Variants in EHMT2 observed in about 807,000 individuals in gnomAD.
EHMT2 encodes the protein euchromatic histone lysine methyltransferase 2.
A neutral mutation model predicts 143.3 loss-of-function variants in EHMT2; 59 were observed. That is an observed-to-expected ratio of 0.41 (90% confidence interval 0.33 to 0.51). EHMT2 has a LOEUF of 0.51. Among genes scored for constraint, EHMT2 ranks in the 20% least tolerant of loss-of-function variants. The pLI is 0.18. For synonymous variants in EHMT2, 604 were observed against 651.5 expected (o/e 0.93, Z 1.11); for missense variants, 1,174 against 1,645.9 (o/e 0.71, Z 4.96).
At position 31,888,138 on chromosome 6, in the gene EHMT2, G is replaced by T; in HGVS notation, c.1648C>A (p.Arg550=). ...GCCGGTGGGGTCACCCCGTCACCCC[G>T]GGGGATGGTCACCTCTTGAGCTTCA... Residue 550 remains arginine, a synonymous_variant, in exon 13 of 28, where the codon CGG becomes AGG. Transcript: ENST00000375537. This position sits in a 1 kb window ranked among gnomAD's most constrained non-coding sequence, Gnocchi z 7.4. 1 of 1,612,440 alleles carries T rather than the reference G, an allele frequency of 6.2e-7. No homozygotes were observed. The highest frequency in any genetic ancestry group is 8.5e-7 in the Non-Finnish European group (1 of 1,179,792).
chr6:31,896,862 A>G (rs767449125), intron 2 of EHMT2, 38 bp from the exon 3 acceptor site: 9 of 1,612,328 alleles, frequency 5.6e-6, no homozygotes, highest in Non-Finnish European at 2.5e-6. Context: ...CTAAGGGCTC[A>G]GGAGATCCTG....
At position 31,888,120 on chromosome 6, in the gene EHMT2, G is replaced by A. The variant is rs780514785; in HGVS notation, c.1666C>T (p.Pro556Ser). ...GCAGGAGCTGCAGTGCCGGCCGGTG[G>A]GGTCACCCCGTCACCCCGGGGGATG... Residue 556 changes from proline to serine, a missense_variant, in exon 13 of 28, where the codon CCA (proline) becomes TCA (serine). Coordinates refer to ENST00000375537, the Ensembl canonical transcript of EHMT2. The surrounding 1 kb of genome is among the most constrained non-coding windows in gnomAD (Gnocchi z 7.4). The A allele has an allele frequency of 3.1e-6, 5 of 1,612,112 alleles. No homozygotes were observed. The African/African-American group carries it at 4.0e-5, about 13-fold the overall frequency.
chr6:31,882,564 G>T, intron 25 of EHMT2, 135 bp downstream of exon 25: 1 of 880,058 alleles, frequency 1.1e-6, no homozygotes, highest in Non-Finnish European at 1.8e-6. Context: ...ATAGGGGTCA[G>T]AGGAGGCTGG....
Position 31,889,322 on chromosome 6 carries a change from G to A in EHMT2, c.1020C>T (p.Arg340=), listed in dbSNP as rs1470048012. The A allele has an allele frequency of 6.2e-7, 1 of 1,612,032 alleles. No homozygotes were observed. The highest frequency in any genetic ancestry group is 2.2e-5 in the East Asian group (1 of 44,874). Residue 340 remains arginine, a synonymous_variant, in exon 9 of 28, where the codon CGC becomes CGT. Coordinates refer to ENST00000375537, the Ensembl canonical transcript of EHMT2. This position sits in a 1 kb window ranked among gnomAD's most constrained non-coding sequence, Gnocchi z 5.1. ...CTTTTCGCCATTTCTTCTTGGCCTT[G>A]CGCCGGCCACTGGAACCACTCTGGG...
At position 31,881,179 on chromosome 6, in the gene EHMT2, G is replaced by A; in HGVS notation, c.3198-87C>T. On this transcript the variant is annotated intron_variant, in intron 25 of 27. Transcript: ENST00000375537. The surrounding 1 kb of genome is among the most constrained non-coding windows in gnomAD (Gnocchi z 4.8). Reference sequence around the variant, plus strand: ...CCCCATCTCTCTTCACAAGCCTGTGGAATCTGGAATGGGCAGGGCTGGCAG... The same window carrying A: ...CCCCATCTCTCTTCACAAGCCTGTGAAATCTGGAATGGGCAGGGCTGGCAG... 8.4e-7 allele frequency: 1 copy of A among 1,185,314 alleles called. No homozygotes were observed. Among genetic ancestry groups the A allele is most frequent in the Non-Finnish European group, 1.3e-6 (1 of 796,248 alleles). The allele number at this position is 1,185,314 out of a possible 1,614,324, so 73.4% of individuals were successfully genotyped here.
At chr6:31,891,391 G>A (rs1258560286) in intron 7 of EHMT2, among the ~76,000 whole-genome samples, 1 of 152,232 alleles carries the variant, frequency 6.6e-6, no homozygotes, top group Non-Finnish European at 1.5e-5. Context: ...TGTGAAAACA[G>A]TAGTGTAATG....
rs1766531739 is a variant in EHMT2, at chr6:31,896,800, G to A, written c.134C>T (p.Pro45Leu). The A allele has an allele frequency of 6.2e-7, 1 of 1,613,030 alleles. No individual in the cohort carries two copies. The highest frequency in any genetic ancestry group is 1.3e-5 in the African/African-American group (1 of 75,062). The stretch of plus-strand genomic sequence containing the variant: ...CTTGGGCAGGGTTTCTTCACTACGA[G>A]GGGTGTCCCCCAAAGAGCCATGAAC... The change falls in exon 3 of 28, where the codon CCT (proline) becomes CTT (leucine). Residue 45 changes from proline to leucine, a missense_variant. Transcript: ENST00000375537.
intron 6 of EHMT2, 60 bp from the exon 7 acceptor site, chr6:31,892,622 G>A (rs1283421773): frequency 6.2e-7 from 1 of 1,612,644 alleles, no homozygotes; most frequent in Non-Finnish European, 8.5e-7. Flanking sequence ...ACTGAGGATG[G>A]GATGCAGCCC....
At chr6:31,882,749 G>A in exon 25 of EHMT2, 1 of 1,612,670 alleles carries the variant, frequency 6.2e-7, no homozygotes, top group Non-Finnish European at 8.5e-7. Flanking sequence ...GGACCCCCCA[G>A]CCCATCTTGG....
Position 31,882,446 on chromosome 6 carries a change from G to C in EHMT2, c.3197+253C>G, listed in dbSNP as rs891360924. On this transcript the variant is annotated intron_variant, in intron 25 of 27. Coordinates refer to ENST00000375537, the Ensembl canonical transcript of EHMT2. ...GGTGGAGGGGAAGGTAGAGGGTGGA[G>C]GTGGAGGGGAGGGAAGACAAGCTCT... is the stretch of plus-strand genomic sequence containing the variant. 7.9e-5 allele frequency among the ~76,000 whole-genome samples: 12 copies of C among 152,102 alleles called. No homozygotes were observed. The East Asian group carries it at 1.7e-3, about 22-fold the overall frequency.
At chr6:31,892,068 C>A (rs921772936) in intron 7 of EHMT2, among the ~76,000 whole-genome samples, 12 of 152,098 alleles carry the variant, frequency 7.9e-5, no homozygotes, top group African/African-American at 2.9e-4. Context: ...ACAGGGAAAC[C>A]CCGTCTCTAC....
chr6:31,880,073 G>A lies in EHMT2; in HGVS notation c.*11C>T, dbSNP rs764181100. ...GCCATCCATGCTGGGGAGAGAGGGTGTGGTCCGTTCTCATGTGTTGACAGG... is the reference window on the plus strand; with the variant it reads ...GCCATCCATGCTGGGGAGAGAGGGTATGGTCCGTTCTCATGTGTTGACAGG... On this transcript the variant is annotated 3_prime_UTR_variant, in exon 28 of 28. Coordinates refer to ENST00000375537, the Ensembl canonical transcript of EHMT2. This position sits in a 1 kb window ranked among gnomAD's most constrained non-coding sequence, Gnocchi z 6.6. 2.5e-6 allele frequency: 4 copies of A among 1,609,618 alleles called. No individual in the cohort carries two copies. Among genetic ancestry groups the A allele is most frequent in the Non-Finnish European group, 3.4e-6 (4 of 1,178,138 alleles).
Position 31,884,996 on chromosome 6 carries a change from G to A in EHMT2, c.2364C>T (p.Pro788=), listed in dbSNP as rs2151607892. 6.2e-7 allele frequency: 1 copy of A among 1,609,906 alleles called. No individual in the cohort carries two copies. Among genetic ancestry groups the A allele is most frequent in the South Asian group, 1.1e-5 (1 of 91,006 alleles). ...GCTTGTGCTCTGCAGCCCAGATGAT[G>A]GGCGTCCACCCCCCACTGTCCTGTG... is the stretch of plus-strand genomic sequence containing the variant. Residue 788 remains proline, a synonymous_variant, in exon 19 of 28, where the codon CCC becomes CCT. Transcript: ENST00000375537. This position sits in a 1 kb window ranked among gnomAD's most constrained non-coding sequence, Gnocchi z 7.3.
intron 4 of EHMT2, chr6:31,893,236 G>A (rs1021183352): frequency 4.0e-6 from 2 of 504,442 alleles, no homozygotes; most frequent in Non-Finnish European, 7.3e-6. Context: ...AGGTGCGGAA[G>A]CAACTCAAGT....
intron 4 of EHMT2, chr6:31,893,304 T>A: frequency 2.2e-6 from 1 of 445,450 alleles, no homozygotes; most frequent in South Asian, 1.8e-5. Flanking sequence ...TGGAATAACA[T>A]TCAGCCATAA....
In EHMT2 at chr6:31,889,373, C is replaced by A; in HGVS notation, c.1000-31G>T. ...AAGGGGGAGGAGGAGGAGTTAGGAA[C>A]CCTCACCCCCAGGGGCCCCCCCAAC... On this transcript the variant is annotated intron_variant, in intron 8 of 27. Transcript: ENST00000375537. The surrounding 1 kb of genome is among the most constrained non-coding windows in gnomAD (Gnocchi z 5.1). 6.2e-7 allele frequency: 1 copy of A among 1,610,090 alleles called. No individual in the cohort carries two copies. Among genetic ancestry groups the A allele is most frequent in the East Asian group, 2.2e-5 (1 of 44,860 alleles).
intron 1 of EHMT2, chr6:31,897,190 G>C: frequency 7.8e-7 from 1 of 1,286,222 alleles, no homozygotes. Context: ...CTCCCTCTCG[G>C]TAGACCCCGC....
Position 31,896,690 on chromosome 6 carries a change from G to C in EHMT2, c.244C>G (p.Pro82Ala), listed in dbSNP as rs764118787. 6.2e-7 allele frequency: 1 copy of C among 1,611,338 alleles called. No homozygotes were observed. The highest frequency in any genetic ancestry group is 1.3e-5 in the African/African-American group (1 of 74,878). The change falls in exon 3 of 28, where the codon CCT becomes GCT. Residue 82 changes from proline (P) to alanine (A), a missense_variant. Pro to Ala is a conservative substitution (Grantham distance 27). Around this residue, in one of 6 missense-constraint regions of EHMT2, gnomAD observed 399 missense variants for 404.4 expected, o/e 0.99. Coordinates refer to ENST00000375537, the Ensembl canonical transcript of EHMT2. Reference sequence around the variant, plus strand: ...CCAATGAGTGGTGTAGCCCCTACAGGGGTGTCAGCCCCCTCATCACCAACA... The same window carrying C: ...CCAATGAGTGGTGTAGCCCCTACAGCGGTGTCAGCCCCCTCATCACCAACA...
intron 4 of EHMT2, chr6:31,893,290 A>G: frequency 2.2e-6 from 1 of 449,324 alleles, no homozygotes; most frequent in Non-Finnish European, 4.3e-6. Context: ...GCATTTATAC[A>G]CAATGGAATA....
Sources: allele counts gnomAD v4.1 joint callset (sites outside exome capture counted in the v4.1 genomes callset), GRCh38; gene constraint gnomAD v4.1.1; regional missense constraint gnomAD v4.1.1; non-coding constraint Gnocchi (gnomAD v3.1); transcripts MANE v1.5; gene names NCBI Gene and HGNC (gene_info 2026-07-23, HGNC 2026-07-21).